ANKFN1: variants seen among roughly 807,000 people sequenced by gnomAD.
The protein encoded by ANKFN1 is ankyrin repeat and fibronectin type-III domain-containing protein 1.
ANKFN1 carries 74 observed loss-of-function variants against 108.7 expected under a neutral mutation model. The ratio of observed to expected loss-of-function variants is 0.68; its 90% CI spans 0.56 to 0.83. The LOEUF is 0.83. ANKFN1 is among the 40% of genes least tolerant of loss of function. The pLI is 0.00. For missense variants in ANKFN1, 1,505 were observed against 1,382.3 expected (o/e 1.09, Z -1.41); for synonymous variants, 547 against 516.2 (o/e 1.06, Z -0.81).
chr17:56,455,615 T>C (rs1262050043), intron 11 of ANKFN1, among the ~76,000 whole-genome samples: 1 of 152,228 alleles, frequency 6.6e-6, no homozygotes, highest in Non-Finnish European at 1.5e-5. Context: ...CAACCTCATT[T>C]TCCCTTCATT....
In ANKFN1 at chr17:56,186,619, C is replaced by G. The variant is rs576499668; in HGVS notation, c.-70-25979C>G. ...GAAAACTATTTGGCACAGGAAATGA[C>G]TTATCCCCTGGCTCCCTAGCTATCA... is the stretch of plus-strand genomic sequence containing the variant. On this transcript the variant is annotated intron_variant, in intron 1 of 20. Transcript: ENST00000682825. 2.4e-4 allele frequency among the ~76,000 whole-genome samples: 36 copies of G among 152,352 alleles called. No individual in the cohort carries two copies. The South Asian group carries it at 7.0e-3, about 30-fold the overall frequency.
chr17:56,254,355 C>T (rs2043307331), intron 3 of ANKFN1: 1 of 152,152 alleles, frequency 6.6e-6, no homozygotes, highest in South Asian at 2.1e-4. Context: ...GTAAATGAAC[C>T]ACTGTGGTTT....
At chr17:56,223,149 GACAT>G (rs1162471871) in intron 2 of ANKFN1, among the ~76,000 whole-genome samples, 1 of 152,110 alleles carries the variant, frequency 6.6e-6, no homozygotes, top group African/African-American at 2.4e-5. Flanking sequence ...AAATTTTCAT[GACAT>G]ACATATCTAT....
chr17:56,150,701 C>T (rs539475254), upstream of ANKFN1, among the ~76,000 whole-genome samples: 20 of 152,186 alleles, frequency 1.3e-4, no homozygotes, highest in African/African-American at 4.1e-4. Flanking sequence ...ACCAAAATAT[C>T]GTCCCTTCCT....
chr17:56,348,239 A>T (rs895315657), intron 4 of ANKFN1, among the ~76,000 whole-genome samples: 33 of 152,140 alleles, frequency 2.2e-4, no homozygotes, highest in African/African-American at 8.0e-4. Flanking sequence ...GTTATTAAAG[A>T]TTTATAAAAA....
At chr17:56,252,513 A>C (rs2043256863) in intron 3 of ANKFN1, among the ~76,000 whole-genome samples, 1 of 152,206 alleles carries the variant, frequency 6.6e-6, no homozygotes, top group African/African-American at 2.4e-5. Flanking sequence ...GGTGGCTCAC[A>C]CATGTAATCC....
At chr17:56,371,316 C>T (rs1210343955) in intron 6 of ANKFN1, among the ~76,000 whole-genome samples, 1 of 152,070 alleles carries the variant, frequency 6.6e-6, no homozygotes, top group Non-Finnish European at 1.5e-5. Flanking sequence ...TCATTGACCT[C>T]GTCTGTAAAT....
At chr17:56,388,999 T>C (rs1392939820) in intron 8 of ANKFN1, among the ~76,000 whole-genome samples, 2 of 148,578 alleles carry the variant, frequency 1.3e-5, no homozygotes, top group South Asian at 2.1e-4. Flanking sequence ...GAAAACTGTT[T>C]GGCAATTTCA....
At chr17:56,057,540 CT>C (rs1904900684) in intron 4 of ANKFN1, among the ~76,000 whole-genome samples, 1 of 152,170 alleles carries the variant, frequency 6.6e-6, no homozygotes, top group South Asian at 2.1e-4. Flanking sequence ...AATCCCAGCA[CT>C]TTGAGAGGCA....
intron 4 of ANKFN1, among the ~76,000 whole-genome samples, chr17:56,326,917 G>T (rs1368564263): frequency 2.0e-5 from 3 of 152,166 alleles, no homozygotes; most frequent in Non-Finnish European, 4.4e-5. Context: ...GAGGATATCT[G>T]CCAAGGGAAT....
At chr17:56,179,811 T>C (rs1167782676) in intron 1 of ANKFN1, among the ~76,000 whole-genome samples, 1 of 152,196 alleles carries the variant, frequency 6.6e-6, no homozygotes, top group African/African-American at 2.4e-5. Flanking sequence ...TGGTGTTTAG[T>C]GGACACATAC....
At chr17:56,271,258 G>A (rs1034507642) in intron 3 of ANKFN1, among the ~76,000 whole-genome samples, 2 of 152,118 alleles carry the variant, frequency 1.3e-5, no homozygotes, top group African/African-American at 2.4e-5. Context: ...ACCTACCTCA[G>A]CCTCCCAAAG....
intron 3 of ANKFN1, among the ~76,000 whole-genome samples, chr17:56,258,872 C>G (rs1466951829): frequency 6.6e-6 from 1 of 152,074 alleles, no homozygotes; most frequent in African/African-American, 2.4e-5. Context: ...GATCGGGCCA[C>G]TGCACTCTGG....
intron 3 of ANKFN1, among the ~76,000 whole-genome samples, chr17:56,232,457 A>G (rs148036516): frequency 2.0e-5 from 3 of 152,246 alleles, no homozygotes; most frequent in East Asian, 3.9e-4. Context: ...ACTAAAACAG[A>G]TTTTTCAGTC....
intron 10 of ANKFN1, 104 bp from the exon 11 acceptor site, chr17:56,448,975 G>C: frequency 1.1e-6 from 1 of 877,154 alleles, no homozygotes; most frequent in Admixed American, 2.1e-5. Flanking sequence ...CTCATCCGCA[G>C]AGACTGTGGG....
At chr17:56,182,616 G>T (rs145201950) in intron 1 of ANKFN1, among the ~76,000 whole-genome samples, 1 of 152,294 alleles carries the variant, frequency 6.6e-6, no homozygotes, top group African/African-American at 2.4e-5. Context: ...TAACATAAAT[G>T]CAAAGTGAGG....
intron 19 of ANKFN1, among the ~76,000 whole-genome samples, chr17:56,495,800 A>G (rs899457971): frequency 1.3e-5 from 2 of 152,200 alleles, no homozygotes; most frequent in African/African-American, 2.4e-5. Flanking sequence ...TAGCCAATCT[A>G]TCATCCCCTT....
At chr17:56,170,803 T>TAAACACACACACACACACAC in intron 1 of ANKFN1, among the ~76,000 whole-genome samples, 1 of 68,086 alleles carries the variant, frequency 1.5e-5, no homozygotes, top group East Asian at 4.9e-4. Flanking sequence ...TATATATATA[T>TAAACACACACACACACACAC]ATATACACAC....
At chr17:56,368,827 A>G (rs1224444991) in intron 6 of ANKFN1, among the ~76,000 whole-genome samples, 2 of 152,194 alleles carry the variant, frequency 1.3e-5, no homozygotes, top group African/African-American at 4.8e-5. Context: ...GTTTCATAAA[A>G]AGTGGAGACA....
Sources: gnomAD v4.1 joint callset for allele counts (sites outside exome capture counted in the v4.1 genomes callset) on GRCh38, gnomAD v4.1.1 for gene constraint, MANE v1.5 for transcripts, NCBI Gene and HGNC (gene_info 2026-07-23, HGNC 2026-07-21) for gene names.